APEX2: variants seen among roughly 807,000 people sequenced by gnomAD.
APEX2 encodes the protein DNA-(apurinic or apyrimidinic site) endonuclease 2.
A neutral mutation model predicts 16.7 loss-of-function variants in APEX2; 4 were observed. The ratio of observed to expected loss-of-function variants is 0.24; its 90% CI spans 0.12 to 0.55. The LOEUF (loss-of-function observed/expected upper bound fraction) is 0.55, where lower values mean the gene tolerates loss of function less well. Among genes scored for constraint, APEX2 ranks in the 20% least tolerant of loss-of-function variants. The pLI, the probability that APEX2 is intolerant of heterozygous loss-of-function variation, is 0.94. For missense variants in APEX2, 357 were observed against 433.6 expected (o/e 0.82, Z 1.57); for synonymous variants, 181 against 166.9 (o/e 1.08, Z -0.65).
At position 55,000,488 on chromosome X, in the gene APEX2, G is replaced by A; in HGVS notation, c.66G>A (p.Gln22=). The change falls in exon 1 of 6, where the codon CAG becomes CAA. Residue 22 remains glutamine (Q), a synonymous_variant. Transcript: ENST00000374987. ...IRRPLQGVAN[Q]EPSNCAAVAV... is the part of the protein sequence containing the mutation. ...GACCCCTGCAAGGGGTGGCAAATCA[G>A]GAACCCAGCAACTGTGCCGCCGTGG... 1 of 1,207,734 alleles carries A rather than the reference G, an allele frequency of 8.3e-7. No individual in the cohort carries two copies. Among genetic ancestry groups the A allele is most frequent in the Non-Finnish European group, 1.1e-6 (1 of 893,340 alleles).
At chrX:55,005,704 T>A (rs1344391661) in intron 5 of APEX2, among the ~76,000 whole-genome samples, 1 of 110,743 alleles carries the variant, frequency 9.0e-6, no homozygotes. Context: ...GGTATTCTGG[T>A]CTCCAGTCTG....
In APEX2 at chrX:55,007,494, C is replaced by T; in HGVS notation, c.*59C>T. On this transcript the variant is annotated 3_prime_UTR_variant, in exon 6 of 6. Coordinates refer to ENST00000374987, the MANE Select transcript of APEX2 (RefSeq NM_014481.4). ...ACCCCTGCACATGATCTGAGGCCAG[C>T]TCCCCTTCCCTGAGCTGCCTCCTGC... 9.4e-7 allele frequency: 1 copy of T among 1,065,665 alleles called. No homozygotes were observed. Among genetic ancestry groups the T allele is most frequent in the South Asian group, 2.4e-5 (1 of 40,928 alleles). 87.8% of individuals were successfully genotyped at this position (1,065,665 alleles called of 1,213,427 possible).
rs1278576149 is a variant in APEX2 at position 55,007,169 on chromosome X, G to A, written c.1291G>A (p.Ala431Thr). 1.7e-6 allele frequency: 2 copies of A among 1,210,527 alleles called. No homozygotes were observed. The highest frequency in any genetic ancestry group is 4.4e-5 in the Admixed American group (2 of 45,910). ...GACCCCGAAGACTCCAGAAGAGAAG[G>A]CAGTGGCCAAAGTGGTGAAGGGGCA... ...LMTPKTPEEK[A>T]VAKVVKGQAK... Residue 431 changes from alanine to threonine, a missense_variant, in exon 6 of 6, where the codon GCA becomes ACA. Coordinates refer to ENST00000374987, the MANE Select transcript of APEX2 (RefSeq NM_014481.4).
chrX:55,003,056 C>T lies in APEX2; in HGVS notation c.517C>T (p.Arg173Cys), dbSNP rs749036434. Reference protein sequence around the residue: ...GRPERLVFKMRFYRLLQIRAE... With the variant: ...GRPERLVFKMCFYRLLQIRAE... ...GCCTGAGCGGCTAGTCTTTAAGATGCGCTTCTATCGTTTGCTGCAAATCCG... is the reference window on the plus strand; with the variant it reads ...GCCTGAGCGGCTAGTCTTTAAGATGTGCTTCTATCGTTTGCTGCAAATCCG... Residue 173 changes from arginine to cysteine, a missense_variant, in exon 4 of 6, where the codon CGC becomes TGC. Coordinates refer to ENST00000374987, the MANE Select transcript of APEX2 (RefSeq NM_014481.4). 4.5e-5 allele frequency: 55 copies of T among 1,210,721 alleles called. No individual in the cohort carries two copies. In the Admixed American group the frequency reaches 6.7e-4, roughly 15 times the overall value.
intron 2 of APEX2, among the ~76,000 whole-genome samples, chrX:55,001,975 G>A (rs919033475): frequency 2.7e-5 from 3 of 111,463 alleles, no homozygotes; most frequent in Non-Finnish European, 5.6e-5. Context: ...TTTACCTTCC[G>A]GGGCTGTTAC....
intron 5 of APEX2, 21 bp from the exon 6 acceptor site, chrX:55,006,497 C>T (rs754472880): frequency 7.8e-5 from 85 of 1,089,734 alleles, no homozygotes; most frequent in Non-Finnish European, 1.0e-4. Context: ...TCTCTTCCAA[C>T]CCCCTTTCCT....
chrX:55,003,666 G>A (rs1007873152), intron 4 of APEX2, 133 bp from the exon 5 acceptor site: 1 of 514,693 alleles, frequency 1.9e-6, no homozygotes, highest in Non-Finnish European at 3.3e-6. Context: ...GGAGAGGTAG[G>A]CTGTTATGAG....
intron 2 of APEX2, 114 bp from the exon 3 acceptor site, chrX:55,002,137 C>G: frequency 1.3e-6 from 1 of 796,490 alleles, no homozygotes; most frequent in Non-Finnish European, 1.7e-6. Flanking sequence ...TGCCCAAGAA[C>G]CACACTTTAT....
intron 5 of APEX2, among the ~76,000 whole-genome samples, chrX:55,004,872 G>A (rs1264615916): frequency 9.0e-6 from 1 of 111,539 alleles, no homozygotes; most frequent in Non-Finnish European, 1.9e-5. Context: ...GAACTCTCGA[G>A]TGTGGGGCCA....
chrX:55,007,128 T>C lies in APEX2; in HGVS notation c.1250T>C (p.Leu417Pro). 1 of 1,211,786 alleles carries C rather than the reference T, an allele frequency of 8.3e-7. No homozygotes were observed. The highest frequency in any genetic ancestry group is 1.1e-6 in the Non-Finnish European group (1 of 895,540). ...SPDIELPSLP[L>P]MSALMTPKTP... ...GACATAGAGCTGCCTAGCCTACCACTGATGAGCGCCCTCATGACCCCGAAG... is the reference window on the plus strand; with the variant it reads ...GACATAGAGCTGCCTAGCCTACCACCGATGAGCGCCCTCATGACCCCGAAG... Residue 417 changes from leucine (L) to proline (P), a missense_variant, in exon 6 of 6, where the codon CTG becomes CCG. Leu to Pro is a moderately conservative substitution (Grantham distance 98). Coordinates refer to ENST00000374987, the MANE Select transcript of APEX2 (RefSeq NM_014481.4).
Position 55,006,920 on chromosome X carries a change from C to G in APEX2, c.1042C>G (p.Gln348Glu), listed in dbSNP as rs1935508113. 1 of 1,211,964 alleles carries G rather than the reference C, an allele frequency of 8.3e-7. No homozygotes were observed. Among genetic ancestry groups the G allele is most frequent in the Non-Finnish European group, 1.1e-6 (1 of 895,551 alleles). The change falls in exon 6 of 6, where the codon CAA becomes GAA. Residue 348 changes from glutamine to glutamate, a missense_variant. Physicochemically the swap from Gln to Glu is conservative, Grantham distance 29 (BLOSUM62 2). Transcript: ENST00000374987. ...KILRFLVPLE[Q>E]SPVLEQSTLQ... Reference sequence around the variant, plus strand: ...CCTTCGCTTCCTAGTTCCTCTCGAACAAAGTCCTGTGTTGGAGCAGTCGAC... The same window carrying G: ...CCTTCGCTTCCTAGTTCCTCTCGAAGAAAGTCCTGTGTTGGAGCAGTCGAC...
In APEX2 at chrX:55,001,292, C is replaced by T. The variant is rs1242712047; in HGVS notation, c.158-254C>T. On this transcript the variant is annotated intron_variant, in intron 1 of 5. Coordinates refer to ENST00000374987, the MANE Select transcript of APEX2 (RefSeq NM_014481.4). ...GGCTTAGCTCTGATTCTTTCCCCTT[C>T]CCACCTAATTCTCCACCTCCACTTC... 4.5e-5 allele frequency among the ~76,000 whole-genome samples: 5 copies of T among 110,520 alleles called. No individual in the cohort carries two copies. The Admixed American group carries it at 4.8e-4, about 11-fold the overall frequency.
intron 5 of APEX2, among the ~76,000 whole-genome samples, chrX:55,005,442 G>A (rs990680213): frequency 8.9e-6 from 1 of 111,749 alleles, no homozygotes; most frequent in African/African-American, 3.3e-5. Context: ...TTTCTACCAG[G>A]CTTGCTCTTT....
At position 55,007,340 on chromosome X, in the gene APEX2, T is replaced by C; in HGVS notation, c.1462T>C (p.Leu488=). 1 of 1,206,860 alleles carries C rather than the reference T, an allele frequency of 8.3e-7. No homozygotes were observed. ...MRTVKKPGPN[L]GRRFYMCARP... ...TACTGTGAAGAAGCCAGGACCCAAC[T>C]TGGGCCGCCGCTTCTACATGTGTGC... Residue 488 remains leucine (L), a synonymous_variant, in exon 6 of 6, where the codon TTG becomes CTG. Transcript: ENST00000374987.
In APEX2 at chrX:55,007,347, G is replaced by T; in HGVS notation, c.1469G>T (p.Arg490Leu). 8.3e-7 allele frequency: 1 copy of T among 1,205,414 alleles called. No homozygotes were observed. The highest frequency in any genetic ancestry group is 1.1e-6 in the Non-Finnish European group (1 of 891,456). Residue 490 changes from arginine (R) to leucine (L), a missense_variant, in exon 6 of 6, where the codon CGC becomes CTC. Transcript: ENST00000374987. The part of the protein sequence containing the change: ...TVKKPGPNLG[R>L]RFYMCARPRG... ...AAGAAGCCAGGACCCAACTTGGGCC[G>T]CCGCTTCTACATGTGTGCCAGGCCC...
rs1935521832 is a variant in APEX2 at position 55,007,450 on chromosome X, G to A, written c.*15G>A. 8.8e-7 allele frequency: 1 copy of A among 1,132,604 alleles called. No homozygotes were observed. The highest frequency in any genetic ancestry group is 1.2e-6 in the Non-Finnish European group (1 of 855,492). The allele number at this position is 1,132,604 out of a possible 1,213,427, so 93.3% of individuals were successfully genotyped here. A position where few individuals can be genotyped will look rare whatever the true frequency, so the allele number is the denominator to read the frequency against. On this transcript the variant is annotated 3_prime_UTR_variant, in exon 6 of 6. Coordinates refer to ENST00000374987, the MANE Select transcript of APEX2 (RefSeq NM_014481.4). Reference sequence around the variant, plus strand: ...GGCCCAGCTGAACCAATGGAGGCCTGGGGACATCTGGCATGGTCACCCCTG... The same window carrying A: ...GGCCCAGCTGAACCAATGGAGGCCTAGGGACATCTGGCATGGTCACCCCTG...
intron 2 of APEX2, among the ~76,000 whole-genome samples, chrX:55,002,001 T>G (rs1225276016): frequency 8.9e-6 from 1 of 112,141 alleles, no homozygotes; most frequent in African/African-American, 3.2e-5. Context: ...TTAAATGAAT[T>G]AATCCATGTG....
intron 4 of APEX2, 72 bp from the exon 5 acceptor site, chrX:55,003,727 T>C (rs1202111460): frequency 4.8e-6 from 5 of 1,047,806 alleles, no homozygotes; most frequent in South Asian, 2.0e-5. Flanking sequence ...TCTGAGCTCT[T>C]GGGCCCAGGA....
intron 5 of APEX2, among the ~76,000 whole-genome samples, 174 bp downstream of exon 5, chrX:55,004,042 C>A (rs929135971): frequency 1.3e-4 from 15 of 112,760 alleles, no homozygotes; most frequent in Non-Finnish European, 1.9e-4. Context: ...ACAATACTGA[C>A]TCTGCCCATG....
Sources: gnomAD v4.1 joint callset for allele counts (sites outside exome capture counted in the v4.1 genomes callset) on GRCh38, gnomAD v4.1.1 for gene constraint, MANE v1.5 for transcripts, NCBI Gene and HGNC (gene_info 2026-07-23, HGNC 2026-07-21) for gene names.